The following CYRIA variants were observed in gnomAD, a reference collection of about 807,000 sequenced individuals.
CYRIA encodes the protein CYFIP related Rac1 interactor A.
In CYRIA, 15 loss-of-function variants were observed where a neutral mutation model predicts 43.9. The ratio of observed to expected loss-of-function variants is 0.34; its 90% confidence interval spans 0.23 to 0.53. CYRIA has a LOEUF of 0.53. Among genes scored for constraint, CYRIA ranks in the 20% least tolerant of loss-of-function variants. CYRIA has a pLI of 0.94. For missense variants in CYRIA, 236 were observed against 394.2 expected (o/e 0.60, Z 3.40); for synonymous variants, 117 against 136.0 (o/e 0.86, Z 0.97).
intron 2 of CYRIA, among the ~76,000 whole-genome samples, chr2:16,610,937 T>TATATATATAA (rs58203028): frequency 1.5e-5 from 2 of 134,534 alleles, no homozygotes; most frequent in Admixed American, 7.4e-5. Context: ...TATATATATA[T>TATATATATAA]CCTGTATATC....
intron 1 of CYRIA, among the ~76,000 whole-genome samples, chr2:16,640,334 C>T (rs930376451): frequency 1.2e-4 from 18 of 152,248 alleles, no homozygotes; most frequent in African/African-American, 4.3e-4. Context: ...AGGCCAGCCC[C>T]TCCCCCACAG....
chr2:16,571,245 A>G (rs1453930591), intron 3 of CYRIA, among the ~76,000 whole-genome samples: 1 of 152,210 alleles, frequency 6.6e-6, no homozygotes, highest in Non-Finnish European at 1.5e-5. Flanking sequence ...CAGGGGCTCA[A>G]TTTGTTAATG....
chr2:16,648,206 C>T (rs764146353), intron 1 of CYRIA, among the ~76,000 whole-genome samples: 30 of 152,054 alleles, frequency 2.0e-4, no homozygotes, highest in Non-Finnish European at 4.3e-4. Context: ...GGAGTCTCTG[C>T]CACACCCACT....
At chr2:16,647,973 C>T (rs958636659) in intron 1 of CYRIA, among the ~76,000 whole-genome samples, 8 of 152,196 alleles carry the variant, frequency 5.3e-5, no homozygotes, top group Non-Finnish European at 1.2e-4. Flanking sequence ...GGATGCTCAT[C>T]TCATCCCCCT....
At chr2:16,633,099 G>A (rs982281010) in intron 1 of CYRIA, among the ~76,000 whole-genome samples, 1 of 152,054 alleles carries the variant, frequency 6.6e-6, no homozygotes, top group Non-Finnish European at 1.5e-5. Flanking sequence ...CTAAGCTGAG[G>A]GTACAAGTTC....
rs1177820815 is a variant in CYRIA, at chr2:16,550,364, G to A, written c.*2572C>T. 6.6e-6 allele frequency: 1 copy of A among 151,736 alleles called. No homozygotes were observed. Among genetic ancestry groups the A allele is most frequent in the African/African-American group, 2.4e-5 (1 of 41,298 alleles). 9.4% of individuals were successfully genotyped at this position (151,736 alleles called of 1,614,324 possible). ...ATTGTTCAATGACTCCTGATGCCGG[G>A]AGGACAGGCTGTTAAAAGAATTTGT... On this transcript the variant is annotated 3_prime_UTR_variant, in exon 12 of 12. Coordinates refer to ENST00000381323, the MANE Select transcript of CYRIA (RefSeq NM_030797.4).
chr2:16,629,104 C>G (rs1254219936), intron 1 of CYRIA, among the ~76,000 whole-genome samples: 4 of 151,948 alleles, frequency 2.6e-5, no homozygotes, highest in Non-Finnish European at 5.9e-5. Flanking sequence ...AGATGGGAAA[C>G]CAGCACGGGA....
chr2:16,655,831 G>A (rs928762632), intron 1 of CYRIA, among the ~76,000 whole-genome samples: 12 of 151,438 alleles, frequency 7.9e-5, no homozygotes, highest in African/African-American at 2.7e-4. Context: ...TTCTAAAGTC[G>A]CATATGCAAA....
At chr2:16,556,924 C>A (rs1017986356) in intron 10 of CYRIA, among the ~76,000 whole-genome samples, 1 of 151,998 alleles carries the variant, frequency 6.6e-6, no homozygotes, top group South Asian at 2.1e-4. Flanking sequence ...CGATGAAATA[C>A]CTGAGACGGG....
chr2:16,590,473 G>A lies in CYRIA; in HGVS notation c.-10-2344C>T, dbSNP rs116733117. Among the ~76,000 whole-genome samples the A allele has an allele frequency of 1.9e-3, 288 of 152,284 alleles. 2 individuals are homozygous for A. Among genetic ancestry groups the A allele is most frequent in the African/African-American group, 6.8e-3 (281 of 41,564 alleles). ...GGTGTCTTAGTTTTGTGCTATGAAT[G>A]TATCATAAGAGACTTGCATGGATTG... On this transcript the variant is annotated intron_variant, in intron 2 of 11. Coordinates refer to ENST00000381323, the MANE Select transcript of CYRIA (RefSeq NM_030797.4).
At chr2:16,588,399 ACACC>A in intron 2 of CYRIA, among the ~76,000 whole-genome samples, 1 of 152,014 alleles carries the variant, frequency 6.6e-6, no homozygotes, top group South Asian at 2.1e-4. Flanking sequence ...TCGAGAGAAT[ACACC>A]TGCAGTCCAT....
chr2:16,586,243 G>A (rs1196040341), intron 3 of CYRIA, among the ~76,000 whole-genome samples: 1 of 152,046 alleles, frequency 6.6e-6, no homozygotes, highest in South Asian at 2.1e-4. Context: ...CACATTGAAT[G>A]CAACAATGTA....
At chr2:16,612,379 GA>G (rs1020277321) in intron 2 of CYRIA, among the ~76,000 whole-genome samples, 3 of 151,296 alleles carry the variant, frequency 2.0e-5, no homozygotes, top group African/African-American at 4.9e-5. Context: ...AGAAAAGGAG[GA>G]AAAAAGAGGG....
intron 3 of CYRIA, among the ~76,000 whole-genome samples, chr2:16,573,588 G>A (rs1292718321): frequency 2.0e-5 from 3 of 152,220 alleles, no homozygotes; most frequent in Non-Finnish European, 2.9e-5. Context: ...GATTTCCCAC[G>A]TGTTGTGGGA....
At chr2:16,623,204 A>T (rs1669055985) in intron 2 of CYRIA, 1 of 152,212 alleles carries the variant, frequency 6.6e-6, no homozygotes, top group South Asian at 2.1e-4. Flanking sequence ...AACTTTAGTC[A>T]TCTAGGAGGA....
intron 1 of CYRIA, among the ~76,000 whole-genome samples, chr2:16,645,387 T>C (rs117572032): frequency 0.033 from 5,091 of 152,288 alleles, 135 homozygotes; most frequent in Middle Eastern, 0.088. Flanking sequence ...TCAGCTTCCT[T>C]ATATAATAAA....
intron 3 of CYRIA, among the ~76,000 whole-genome samples, chr2:16,572,767 T>C (rs1405314420): frequency 6.6e-6 from 1 of 152,216 alleles, no homozygotes; most frequent in Non-Finnish European, 1.5e-5. Context: ...ATTCCTATTA[T>C]GTTAATTAAT....
chr2:16,639,751 C>G (rs1457095777), intron 1 of CYRIA, among the ~76,000 whole-genome samples: 1 of 152,156 alleles, frequency 6.6e-6, no homozygotes, highest in Non-Finnish European at 1.5e-5. Context: ...GTTCAAGACT[C>G]CTGGGAAATG....
intron 1 of CYRIA, among the ~76,000 whole-genome samples, chr2:16,649,125 T>C (rs893116918): frequency 4.6e-5 from 7 of 152,150 alleles, no homozygotes; most frequent in Admixed American, 2.6e-4. Context: ...AAAAACAACA[T>C]AGTATAACAA....
Sources: allele counts gnomAD v4.1 joint callset (sites outside exome capture counted in the v4.1 genomes callset), GRCh38; gene constraint gnomAD v4.1.1; transcripts MANE v1.5; gene names NCBI Gene and HGNC (gene_info 2026-07-23, HGNC 2026-07-21).